Variants in RASSF3 observed in about 807,000 individuals in gnomAD.
RASSF3 encodes the protein ras association domain-containing protein 3.
RASSF3 carries 19 observed loss-of-function variants against 19.9 expected under a neutral mutation model. The observed-to-expected ratio is 0.96, with a 90% CI of 0.67 to 1.40. The LOEUF is 1.40. RASSF3 is among the 40% of genes most tolerant of loss of function. RASSF3 has a pLI of 0.00. For synonymous variants in RASSF3, 110 were observed against 104.2 expected (o/e 1.06, Z -0.34); for missense variants, 306 against 289.8 (o/e 1.06, Z -0.41).
At chr12:64,641,414 A>ACACACACACGCG in intron 1 of RASSF3, among the ~76,000 whole-genome samples, 1 of 142,100 alleles carries the variant, frequency 7.0e-6, no homozygotes, top group African/African-American at 2.8e-5. Context: ...ACACACACAC[A>ACACACACACGCG]CGCGCGCGCG....
At chr12:64,679,264 T>C (rs1387317756) in intron 1 of RASSF3, among the ~76,000 whole-genome samples, 1 of 152,232 alleles carries the variant, frequency 6.6e-6, no homozygotes, top group Non-Finnish European at 1.5e-5. Context: ...TTTCACCATG[T>C]TGGCCAGGTT....
rs149717854 is a variant in RASSF3, at chr12:64,638,227, C to A, written c.111+27484C>A. On this transcript the variant is annotated intron_variant, in intron 1 of 4. Coordinates refer to ENST00000542104, the MANE Select transcript of RASSF3 (RefSeq NM_178169.4). ...TAAATATTAATTTATTGAAGTAGGT[C>A]AAATGCTAGGAAAGGATTCTTTTTA... 4.1e-3 allele frequency among the ~76,000 whole-genome samples: 627 copies of A among 152,280 alleles called. 13 individuals are homozygous for A. The highest frequency in any genetic ancestry group is 0.014 in the Admixed American group (212 of 15,296).
At chr12:64,649,676 C>G (rs575749721) in intron 1 of RASSF3, among the ~76,000 whole-genome samples, 70 of 152,336 alleles carry the variant, frequency 4.6e-4, no homozygotes, top group Admixed American at 1.0e-3. Flanking sequence ...TGTCAAATGT[C>G]TCGAAAAGAT....
chr12:64,694,747 CTG>C lies in RASSF3; in HGVS notation c.568-12_568-11del, dbSNP rs1565874239. 11 of 1,613,386 alleles carry C rather than the reference CTG, an allele frequency of 6.8e-6. No individual in the cohort carries two copies. The highest frequency in any genetic ancestry group is 1.7e-5 in the Admixed American group (1 of 59,884). Reference sequence around the variant, plus strand: ...TATTAAACATCTGGCATTTTTCTTTCTGTGTTTCCTGACAGTGGGAAGCCTTC... The same window carrying C: ...TATTAAACATCTGGCATTTTTCTTTCTGTTTCCTGACAGTGGGAAGCCTTC... On this transcript the variant is annotated splice_polypyrimidine_tract_variant and intron_variant, in intron 4 of 4. Coordinates refer to ENST00000542104, the MANE Select transcript of RASSF3 (RefSeq NM_178169.4).
intron 2 of RASSF3, among the ~76,000 whole-genome samples, chr12:64,571,275 C>G (rs1182837949): frequency 2.0e-5 from 3 of 151,940 alleles, no homozygotes; most frequent in Non-Finnish European, 4.4e-5. Flanking sequence ...CAAGCTTGCC[C>G]AGGTTGGTGC....
At chr12:64,558,259 A>G (rs1191308987) in intron 2 of RASSF3, among the ~76,000 whole-genome samples, 1 of 152,196 alleles carries the variant, frequency 6.6e-6, no homozygotes, top group Non-Finnish European at 1.5e-5. Context: ...TAGCTGCTCC[A>G]TTCATGTGCC....
chr12:64,631,836 A>G (rs1871179921), intron 1 of RASSF3, among the ~76,000 whole-genome samples: 1 of 152,046 alleles, frequency 6.6e-6, no homozygotes, highest in Admixed American at 6.6e-5. Flanking sequence ...CGGCCTCCCA[A>G]AGTGCTGGGA....
chr12:64,625,175 A>AT (rs1376164135), intron 1 of RASSF3, among the ~76,000 whole-genome samples: 5 of 152,074 alleles, frequency 3.3e-5, no homozygotes, highest in African/African-American at 4.8e-5. Flanking sequence ...TCTCAATGTA[A>AT]TTGATCAGGA....
chr12:64,641,634 TCTC>T (rs1177994113), intron 1 of RASSF3, among the ~76,000 whole-genome samples: 2 of 80,466 alleles, frequency 2.5e-5, no homozygotes, highest in Admixed American at 1.1e-4. Flanking sequence ...CATCTCTCTC[TCTC>T]TTTTTTTTTT....
intron 2 of RASSF3, among the ~76,000 whole-genome samples, chr12:64,600,214 C>T (rs1870069505): frequency 1.3e-5 from 2 of 151,970 alleles, no homozygotes; most frequent in African/African-American, 4.8e-5. Flanking sequence ...ATCCCAGCAC[C>T]TTTGGAGGTA....
intron 1 of RASSF3, among the ~76,000 whole-genome samples, chr12:64,508,887 AAAAAACAAAAAC>A (rs902495543): frequency 6.6e-6 from 1 of 152,030 alleles, no homozygotes; most frequent in African/African-American, 2.4e-5. Context: ...ACTCCGTCTC[AAAAAACAAAAAC>A]AAAAACAAAA....
At chr12:64,584,500 T>TATGAA (rs769887317) in intron 2 of RASSF3, among the ~76,000 whole-genome samples, 1 of 47,308 alleles carries the variant, frequency 2.1e-5, no homozygotes, top group Non-Finnish European at 4.2e-5. Flanking sequence ...AGGTCCAGGC[T>TATGAA]AAGAAAAAAA....
intron 2 of RASSF3, among the ~76,000 whole-genome samples, chr12:64,583,869 A>G (rs202132738): frequency 6.6e-6 from 1 of 152,196 alleles, no homozygotes; most frequent in East Asian, 1.9e-4. Context: ...TTATGTGACA[A>G]ATATGTTCGG....
chr12:64,664,463 C>T (rs976680428), intron 1 of RASSF3, among the ~76,000 whole-genome samples: 7 of 152,162 alleles, frequency 4.6e-5, no homozygotes, highest in Non-Finnish European at 8.8e-5. Context: ...CCATCTCGGC[C>T]TCCCTAAGTG....
upstream of RASSF3, among the ~76,000 whole-genome samples, chr12:64,532,347 A>T (rs1470406516): frequency 1.4e-5 from 2 of 144,894 alleles, no homozygotes; most frequent in Non-Finnish European, 2.9e-5. Context: ...CTATCATGTG[A>T]AGTGGAGTTT....
At chr12:64,522,183 C>G (rs1868491441) in intron 1 of RASSF3, among the ~76,000 whole-genome samples, 1 of 152,180 alleles carries the variant, frequency 6.6e-6, no homozygotes, top group South Asian at 2.1e-4. Flanking sequence ...GAATGAACAT[C>G]TTTGAAAATA....
At chr12:64,616,719 C>T (rs76569522) in intron 1 of RASSF3, among the ~76,000 whole-genome samples, 1,922 of 152,320 alleles carry the variant, frequency 0.013, 35 homozygotes, top group African/African-American at 0.044. Flanking sequence ...GAGCTACACA[C>T]ATTTGCCTTG....
intron 1 of RASSF3, among the ~76,000 whole-genome samples, chr12:64,522,343 C>T (rs1246243950): frequency 1.3e-5 from 2 of 152,114 alleles, no homozygotes; most frequent in African/African-American, 4.8e-5. Context: ...CCTCCCAGCT[C>T]CTGCTGGGGG....
intron 1 of RASSF3, among the ~76,000 whole-genome samples, chr12:64,659,957 T>C (rs961616282): frequency 2.6e-5 from 3 of 115,426 alleles, no homozygotes; most frequent in Non-Finnish European, 5.5e-5. Context: ...AATACGTGTG[T>C]GTGTGTGTGT....
Sources: allele counts gnomAD v4.1 joint callset (sites outside exome capture counted in the v4.1 genomes callset), GRCh38; gene constraint gnomAD v4.1.1; transcripts MANE v1.5; gene names NCBI Gene and HGNC (gene_info 2026-07-23, HGNC 2026-07-21).